Variants in EMC1 observed in about 807,000 individuals in gnomAD.
EMC1 encodes the protein ER membrane protein complex subunit 1.
A neutral mutation model predicts 128.8 loss-of-function variants in EMC1; 103 were observed. The observed-to-expected ratio is 0.80, with a 90% CI of 0.68 to 0.94. The LOEUF is 0.94. Among genes scored for constraint, EMC1 ranks in the 40% least tolerant of loss-of-function variants. EMC1 has a pLI of 0.00. For missense variants in EMC1, 1,083 were observed against 1,250.6 expected, an observed-to-expected ratio of 0.87 and a Z score of 2.02; for synonymous variants, 442 against 490.4, an observed-to-expected ratio of 0.90 and a Z score of 1.30.
chr1:19,232,726 A>G lies in EMC1; in HGVS notation c.1680T>C (p.Tyr560=), dbSNP rs777032041. 1 of 1,614,192 alleles carries G rather than the reference A, an allele frequency of 6.2e-7. No individual in the cohort carries two copies. The highest frequency in any genetic ancestry group is 8.5e-7 in the Non-Finnish European group (1 of 1,180,026). Residue 560 remains tyrosine (Y), a synonymous_variant, in exon 15 of 23, where the codon TAT becomes TAC. Transcript: ENST00000477853. ...SSSGTILWKQ[Y]LPNVKPDSSF... is the part of the protein sequence containing the mutation. The stretch of plus-strand genomic sequence containing the variant: ...AGGAGTCTGGCTTGACATTGGGTAG[A>G]TACTGTTTCCACAGGATGGTGCCAG...
chr1:19,217,940 G>C lies in EMC1; in HGVS notation c.*1363C>G, dbSNP rs2093405431. 6.6e-6 allele frequency: 1 copy of C among 152,094 alleles called. No homozygotes were observed. The highest frequency in any genetic ancestry group is 1.5e-5 in the Non-Finnish European group (1 of 68,026). The allele number at this position is 152,094 out of a possible 1,614,324, so 9.4% of individuals were successfully genotyped here. On this transcript the variant is annotated 3_prime_UTR_variant, in exon 23 of 23. Transcript: ENST00000477853. ...ACCATAGAAAGATGACAAATTTTTA[G>C]ATAACCTAACCAACCCATATATGAT... is the stretch of plus-strand genomic sequence containing the variant.
rs2093413087 is a variant in EMC1 at position 19,219,287 on chromosome 1, G to A, written c.*16C>T. On this transcript the variant is annotated 3_prime_UTR_variant, in exon 23 of 23. Transcript: ENST00000477853. ...CACTCCCCTGGCTCTCCACTTTTAG[G>A]CACAGTCTTTGTTCTTTATCGCCAG... is the stretch of plus-strand genomic sequence containing the variant. 6 of 1,613,488 alleles carry A rather than the reference G, an allele frequency of 3.7e-6. No individual in the cohort carries two copies. The highest frequency in any genetic ancestry group is 5.1e-6 in the Non-Finnish European group (6 of 1,179,820).
rs865962295 is a variant in EMC1 at position 19,223,497 on chromosome 1, T to G, written c.2275A>C (p.Ile759Leu). Residue 759 changes from isoleucine to leucine, a missense_variant, in exon 19 of 23, where the codon ATC (isoleucine) becomes CTC (leucine). Ile to Leu is a conservative substitution (Grantham distance 5, BLOSUM62 2). This residue lies in a region of EMC1 where 527 missense variants were observed against 644.1 expected (regional missense o/e 0.82). Transcript: ENST00000477853. ...DAHHERTFIG[I>L]FLIDGVTGRI... ...CCAGTGACGCCATCAATGAGGAAGATGCCAATAAAGGTGCGCTCATGGTGC... is the reference window on the plus strand; with the variant it reads ...CCAGTGACGCCATCAATGAGGAAGAGGCCAATAAAGGTGCGCTCATGGTGC... 6.2e-7 allele frequency: 1 copy of G among 1,614,126 alleles called. No individual in the cohort carries two copies. Among genetic ancestry groups the G allele is most frequent in the African/African-American group, 1.3e-5 (1 of 75,036 alleles).
chr1:19,229,031 G>A (rs569760753), intron 17 of EMC1, among the ~76,000 whole-genome samples: 7 of 152,272 alleles, frequency 4.6e-5, no homozygotes, highest in Non-Finnish European at 1.0e-4. Flanking sequence ...GTGACAGAGC[G>A]AGACTCTGTC....
At position 19,238,091 on chromosome 1, in the gene EMC1, C is replaced by A. The variant is rs534077257; in HGVS notation, c.1138G>T (p.Val380Leu). Residue 380 changes from valine to leucine, a missense_variant, in exon 11 of 23, where the codon GTG (valine) becomes TTG (leucine). Transcript: ENST00000477853. ...NQTYTINLYL[V>L]ETGRRLLDTT... Reference sequence around the variant, plus strand: ...TCCAGCAGCCGCCGACCTGTCTCCACGAGGTATAGGTTAATGGTGTAGGTC... The same window carrying A: ...TCCAGCAGCCGCCGACCTGTCTCCAAGAGGTATAGGTTAATGGTGTAGGTC... The A allele has an allele frequency of 1.2e-6, 2 of 1,614,140 alleles. No individual in the cohort carries two copies. Among genetic ancestry groups the A allele is most frequent in the Admixed American group, 1.7e-5 (1 of 60,002 alleles).
At chr1:19,231,176 C>A (rs2093518569) in intron 16 of EMC1, 85 bp downstream of exon 16, 1 of 1,453,418 alleles carries the variant, frequency 6.9e-7, no homozygotes, top group African/African-American at 1.4e-5. Context: ...GCAGAGAGCA[C>A]TCCATCTCCG....
Position 19,220,780 on chromosome 1 carries a change from G to T in EMC1, c.2656C>A (p.Pro886Thr). 3 of 1,613,552 alleles carry T rather than the reference G, an allele frequency of 1.9e-6. No individual in the cohort carries two copies. In the South Asian group the frequency reaches 3.3e-5, roughly 18 times the overall value. The change falls in exon 21 of 23, where the codon CCA (proline) becomes ACA (threonine). Residue 886 changes from proline to threonine, a missense_variant. Coordinates refer to ENST00000477853, the MANE Select transcript of EMC1 (RefSeq NM_015047.3). ...ALLDPRRPEIPTEQSREENLI... is the reference protein window; with the variant it reads ...ALLDPRRPEITTEQSREENLI... Reference sequence around the variant, plus strand: ...GGGTCTCACCTGCTTTGTTCTGTTGGGATCTCGGGGCGGCGGGGATCCAGC... The same window carrying T: ...GGGTCTCACCTGCTTTGTTCTGTTGTGATCTCGGGGCGGCGGGGATCCAGC...
chr1:19,220,659 C>T (rs1205954079), intron 21 of EMC1, 105 bp downstream of exon 21: 2 of 835,582 alleles, frequency 2.4e-6, no homozygotes, highest in Non-Finnish European at 3.7e-6. Context: ...ACATCCCCAG[C>T]CCCTAGCACA....
chr1:19,237,891 G>T (rs2093577759), intron 11 of EMC1, 126 bp downstream of exon 11: 3 of 1,232,490 alleles, frequency 2.4e-6, no homozygotes, highest in Admixed American at 2.9e-5. Flanking sequence ...CAGTGGCTCA[G>T]AGAGCACTAG....
rs371025215 is a variant in EMC1, at chr1:19,235,235, A to G, written c.1327T>C (p.Trp443Arg). The G allele has an allele frequency of 8.1e-6, 13 of 1,612,912 alleles. No homozygotes were observed. The highest frequency in any genetic ancestry group is 1.1e-5 in the Non-Finnish European group (13 of 1,179,426). ...LQQLAGKVVL[W>R]SREESLAEVV... ...TCTGCCAGGGACTCCTCACGGCTCC[A>G]CAGCACCACCTTCCCTGCTACAGGA... Residue 443 changes from tryptophan (W) to arginine (R), a missense_variant, in exon 13 of 23, where the codon TGG (tryptophan) becomes CGG (arginine). Physicochemically the swap from Trp to Arg is moderately radical, Grantham distance 101 (BLOSUM62 -3). Coordinates refer to ENST00000477853, the MANE Select transcript of EMC1 (RefSeq NM_015047.3).
intron 5 of EMC1, 110 bp from the exon 6 acceptor site, chr1:19,241,252 G>C: frequency 7.7e-7 from 1 of 1,298,478 alleles, no homozygotes; most frequent in African/African-American, 1.5e-5. Flanking sequence ...TTCCCAAATA[G>C]GTTTTGTTTG....
chr1:19,230,900 A>G lies in EMC1; in HGVS notation c.2008T>C (p.Phe670Leu), dbSNP rs2275402. 112 of 1,614,218 alleles carry G rather than the reference A, an allele frequency of 6.9e-5. No homozygotes were observed. In the East Asian group the frequency reaches 2.4e-3, roughly 34 times the overall value. The change falls in exon 17 of 23, where the codon TTC becomes CTC. Residue 670 changes from phenylalanine to leucine, a missense_variant. Transcript: ENST00000477853. The part of the protein sequence containing the change: ...RQLHELAPSI[F>L]FYLVDAEQGR... ...TGCTCTGCATCCACCAAATAGAAGA[A>G]GATGGAAGGGGCAAGCTCATGTAGC...
At chr1:19,233,231 G>A in intron 13 of EMC1, 96 bp from the exon 14 acceptor site, 1 of 1,079,780 alleles carries the variant, frequency 9.3e-7, no homozygotes, top group Non-Finnish European at 1.3e-6. Context: ...CTCTCCTCTG[G>A]AGCAATAAAG....
Position 19,244,935 on chromosome 1 carries a change from G to T in EMC1, c.191C>A (p.Ala64Glu). ...LVVATEKNVIAALNSRTGEIL... is the reference protein window; with the variant it reads ...LVVATEKNVIEALNSRTGEIL... ...CTCCCCAGTTCGGGAATTTAATGCT[G>T]CAATCACATTCTTCTCTGTGGCTAC... Residue 64 changes from alanine to glutamate, a missense_variant, in exon 2 of 23, where the codon GCA (alanine) becomes GAA (glutamate). Coordinates refer to ENST00000477853, the MANE Select transcript of EMC1 (RefSeq NM_015047.3). 1 of 1,613,802 alleles carries T rather than the reference G, an allele frequency of 6.2e-7. No individual in the cohort carries two copies. Among genetic ancestry groups the T allele is most frequent in the Non-Finnish European group, 8.5e-7 (1 of 1,179,814 alleles).
At chr1:19,235,543 T>C (rs1385148965) in intron 12 of EMC1, among the ~76,000 whole-genome samples, 1 of 151,890 alleles carries the variant, frequency 6.6e-6, no homozygotes, top group East Asian at 1.9e-4. Flanking sequence ...CTACTAAAAA[T>C]ACAAAAAATT....
chr1:19,243,380 T>C (rs1218700418), intron 4 of EMC1, among the ~76,000 whole-genome samples: 1 of 152,140 alleles, frequency 6.6e-6, no homozygotes, highest in Non-Finnish European at 1.5e-5. Flanking sequence ...CACAGTGAAA[T>C]TAGGAACAGC....
rs558721095 is a variant in EMC1 at position 19,238,114 on chromosome 1, G to C, written c.1115C>G (p.Thr372Ser). 3 of 1,613,316 alleles carry C rather than the reference G, an allele frequency of 1.9e-6. No homozygotes were observed. The highest frequency in any genetic ancestry group is 1.3e-5 in the African/African-American group (1 of 74,732). The change falls in exon 11 of 23, where the codon ACC (threonine) becomes AGC (serine). Residue 372 changes from threonine to serine, a missense_variant. Thr to Ser is a moderately conservative substitution (Grantham distance 58). Transcript: ENST00000477853. ...CACGAGGTATAGGTTAATGGTGTAG[G>C]TCTGATTGAAGCAAGCCAGAGAGTC... Reference protein sequence around the residue: ...SKDSLACFNQTYTINLYLVET... With the variant: ...SKDSLACFNQSYTINLYLVET...
intron 17 of EMC1, among the ~76,000 whole-genome samples, chr1:19,230,090 G>T (rs907904601): frequency 6.6e-6 from 1 of 152,192 alleles, no homozygotes; most frequent in Non-Finnish European, 1.5e-5. Flanking sequence ...CTGTTTACAA[G>T]AGTTGGTCTC....
intron 19 of EMC1, 53 bp from the exon 20 acceptor site, chr1:19,222,887 A>C: frequency 7.0e-7 from 1 of 1,433,688 alleles, no homozygotes; most frequent in Admixed American, 2.1e-5. Flanking sequence ...TCAACTGGAA[A>C]GGGAAATTGC....
Sources: gnomAD v4.1 joint callset for allele counts (sites outside exome capture counted in the v4.1 genomes callset) on GRCh38, gnomAD v4.1.1 for gene constraint, gnomAD v4.1.1 regional missense constraint, MANE v1.5 for transcripts, NCBI Gene and HGNC (gene_info 2026-07-23, HGNC 2026-07-21) for gene names.